SMARCAD1: variants seen among roughly 807,000 people sequenced by gnomAD.
SMARCAD1 encodes SNF2 related chromatin remodeling ATPase with DExD box 1.
Under a neutral mutation model 127.1 loss-of-function variants are expected in SMARCAD1, and 25 were observed. That is an observed-to-expected ratio of 0.20 (90% confidence interval 0.14 to 0.27). SMARCAD1 has a LOEUF of 0.27. Ranked by LOEUF, SMARCAD1 falls within the 10% of genes least tolerant of loss-of-function variation. The probability of loss-of-function intolerance (pLI) is 1.00; values close to 1 mark genes in which losing one functional copy is unlikely to be tolerated. For missense variants in SMARCAD1, 807 were observed against 1,206.0 expected (o/e 0.67, Z 4.90); for synonymous variants, 400 against 396.9 (o/e 1.01, Z -0.09).
At chr4:94,281,639 T>C in intron 21 of SMARCAD1, 49 bp downstream of exon 21, 1 of 1,176,836 alleles carries the variant, frequency 8.5e-7, no homozygotes, top group Non-Finnish European at 1.3e-6. Context: ...TTTATTATTA[T>C]TGTTAGGATT....
At chr4:94,243,059 A>G (rs919652737) in intron 6 of SMARCAD1, among the ~76,000 whole-genome samples, 1 of 152,134 alleles carries the variant, frequency 6.6e-6, no homozygotes, top group African/African-American at 2.4e-5. Context: ...CCCGGGTTCA[A>G]GTGATTCTCC....
intron 2 of SMARCAD1, among the ~76,000 whole-genome samples, chr4:94,223,841 A>G (rs527933380): frequency 8.6e-5 from 13 of 150,880 alleles, no homozygotes; most frequent in African/African-American, 3.2e-4. Flanking sequence ...TCGGCCTCCC[A>G]AAGTTCTGGG....
At chr4:94,274,598 T>G in intron 12 of SMARCAD1, 140 bp from the exon 13 acceptor site, 213 of 811,220 alleles carry the variant, frequency 2.6e-4, no homozygotes, top group East Asian at 3.4e-4. Context: ...ATTACAGGCA[T>G]GAGCCACCTT....
chr4:94,258,021 A>G (rs1389856797), intron 9 of SMARCAD1, among the ~76,000 whole-genome samples: 1 of 151,672 alleles, frequency 6.6e-6, no homozygotes, highest in African/African-American at 2.4e-5. Context: ...AGTGTACTAC[A>G]TGATTTTTAT....
At chr4:94,234,211 A>G (rs1295469976) in intron 4 of SMARCAD1, 89 bp downstream of exon 4, 14 of 1,185,210 alleles carry the variant, frequency 1.2e-5, no homozygotes, top group Non-Finnish European at 1.5e-5. Context: ...TCATTTTTCT[A>G]AAGATATCTT....
chr4:94,248,480 G>T (rs999495877), intron 6 of SMARCAD1: 2 of 456,052 alleles, frequency 4.4e-6, no homozygotes, highest in Non-Finnish European at 4.4e-6. Flanking sequence ...TGGAATTTCA[G>T]TGTGCCTGGG....
chr4:94,284,903 A>C, intron 22 of SMARCAD1, 57 bp from the exon 23 acceptor site: 4 of 1,009,960 alleles, frequency 4.0e-6, no homozygotes, highest in Non-Finnish European at 6.2e-6. Flanking sequence ...TATAGTTTAC[A>C]TATATCCAAA....
chr4:94,214,835 C>T lies in SMARCAD1; in HGVS notation c.190+6251C>T, dbSNP rs1253191654. Among the ~76,000 whole-genome samples, 7 of 151,636 alleles carry T rather than the reference C, an allele frequency of 4.6e-5. No homozygotes were observed. In the South Asian group the frequency reaches 8.3e-4, roughly 18 times the overall value. Reference sequence around the variant, plus strand: ...TTTTTTTGCTGAAATAGATTTAGTCCTCTAGAGTGGTTGCCTTTTCAAGGT... The same window carrying T: ...TTTTTTTGCTGAAATAGATTTAGTCTTCTAGAGTGGTTGCCTTTTCAAGGT... On this transcript the variant is annotated intron_variant, in intron 2 of 23. Transcript: ENST00000354268.
rs1030157997 is a variant in SMARCAD1 at position 94,280,788 on chromosome 4, A to G, written c.2607+8A>G. The G allele has an allele frequency of 6.2e-7, 1 of 1,612,826 alleles. No individual in the cohort carries two copies. The highest frequency in any genetic ancestry group is 1.3e-5 in the African/African-American group (1 of 74,908). On this transcript the variant is annotated splice_region_variant and intron_variant, in intron 20 of 23. Transcript: ENST00000354268. ...TCTGAATTGAAACAGAAGGTATTAA[A>G]AAAGAATGGCGTTTCTTTTGTATTT...
chr4:94,244,556 G>T (rs1277537406), intron 6 of SMARCAD1, among the ~76,000 whole-genome samples: 1 of 152,178 alleles, frequency 6.6e-6, no homozygotes, highest in Non-Finnish European at 1.5e-5. Context: ...GTGATATTTG[G>T]CACCAGTGCC....
intron 5 of SMARCAD1, among the ~76,000 whole-genome samples, chr4:94,238,171 T>A (rs1294023666): frequency 6.6e-6 from 1 of 152,166 alleles, no homozygotes; most frequent in East Asian, 1.9e-4. Context: ...AGATTTTTAT[T>A]TTATCCATAT....
chr4:94,233,909 G>C, intron 3 of SMARCAD1, 45 bp from the exon 4 acceptor site: 1 of 1,575,820 alleles, frequency 6.3e-7, no homozygotes, highest in Non-Finnish European at 8.7e-7. Flanking sequence ...AATAACATTA[G>C]TAATACATTA....
At chr4:94,230,026 A>G (rs983054165) in intron 3 of SMARCAD1, among the ~76,000 whole-genome samples, 19 of 152,078 alleles carry the variant, frequency 1.2e-4, no homozygotes, top group Non-Finnish European at 2.1e-4. Flanking sequence ...CAGTCAATGC[A>G]CTTGGATTAT....
At chr4:94,286,055 A>G (rs1328715950) in intron 23 of SMARCAD1, among the ~76,000 whole-genome samples, 1 of 152,230 alleles carries the variant, frequency 6.6e-6, no homozygotes, top group African/African-American at 2.4e-5. Flanking sequence ...ACAAGTTTCT[A>G]AATATAATAG....
At chr4:94,264,676 C>T (rs759824226) in intron 9 of SMARCAD1, 31 bp from the exon 10 acceptor site, 2 of 1,576,394 alleles carry the variant, frequency 1.3e-6, no homozygotes, top group Non-Finnish European at 8.7e-7. Context: ...TAGATCTGAA[C>T]TATTCAATTA....
At chr4:94,213,568 C>T (rs1011909942) in intron 2 of SMARCAD1, among the ~76,000 whole-genome samples, 1 of 150,518 alleles carries the variant, frequency 6.6e-6, no homozygotes, top group Admixed American at 6.6e-5. Flanking sequence ...TATGGAAATG[C>T]TATTAGTGAA....
At chr4:94,288,088 T>A (rs368064876) in intron 23 of SMARCAD1, among the ~76,000 whole-genome samples, 33 of 152,282 alleles carry the variant, frequency 2.2e-4, no homozygotes, top group African/African-American at 7.7e-4. Flanking sequence ...TTTTTCTACT[T>A]CTTTTTTCCC....
intron 22 of SMARCAD1, among the ~76,000 whole-genome samples, chr4:94,283,806 A>AT (rs966000632): frequency 6.6e-6 from 1 of 152,062 alleles, no homozygotes; most frequent in African/African-American, 2.4e-5. Context: ...AGCCTGGGCG[A>AT]CAGAGCAAGA....
chr4:94,223,833 G>A (rs1043888799), intron 2 of SMARCAD1, among the ~76,000 whole-genome samples: 11 of 149,942 alleles, frequency 7.3e-5, no homozygotes, highest in Admixed American at 6.7e-4. Flanking sequence ...CGCCCACCTC[G>A]GCCTCCCAAA....
Sources: gnomAD v4.1 joint callset for allele counts (sites outside exome capture counted in the v4.1 genomes callset) on GRCh38, gnomAD v4.1.1 for gene constraint, MANE v1.5 for transcripts, NCBI Gene and HGNC (gene_info 2026-07-23, HGNC 2026-07-21) for gene names.